DCLK2: variants seen among roughly 807,000 people sequenced by gnomAD.
DCLK2 encodes doublecortin like kinase 2.
A neutral mutation model predicts 78.4 loss-of-function variants in DCLK2; 31 were observed. The ratio of observed to expected loss-of-function variants is 0.40; its 90% CI spans 0.30 to 0.53. The LOEUF (loss-of-function observed/expected upper bound fraction) is 0.53, where lower values mean the gene tolerates loss of function less well. DCLK2 is among the 20% of genes least tolerant of loss of function. The pLI, the probability that DCLK2 is intolerant of heterozygous loss-of-function variation, is 0.61. For synonymous variants in DCLK2, 407 were observed against 374.9 expected (o/e 1.09, Z -0.99); for missense variants, 872 against 973.7 (o/e 0.90, Z 1.39).
chr4:150,175,555 C>T (rs964350374), intron 2 of DCLK2: 2 of 152,088 alleles, frequency 1.3e-5, no homozygotes, highest in Non-Finnish European at 2.9e-5. Flanking sequence ...GAGGGCTGTC[C>T]TTCACCCAGA....
intron 12 of DCLK2, among the ~76,000 whole-genome samples, chr4:150,244,604 A>G (rs1743167515): frequency 6.6e-6 from 1 of 152,258 alleles, no homozygotes; most frequent in South Asian, 2.1e-4. Context: ...ATATTGTTTT[A>G]GAATTTAAAA....
chr4:150,130,442 CG>C (rs1339366202), intron 2 of DCLK2, among the ~76,000 whole-genome samples: 1 of 151,916 alleles, frequency 6.6e-6, no homozygotes, highest in Non-Finnish European at 1.5e-5. Flanking sequence ...CAGCCACACC[CG>C]TACCCACACA....
intron 2 of DCLK2, among the ~76,000 whole-genome samples, chr4:150,192,436 C>T (rs767371421): frequency 2.0e-5 from 3 of 147,688 alleles, no homozygotes; most frequent in African/African-American, 5.0e-5. Flanking sequence ...GCCGAAATCG[C>T]ACCACTGCAC....
chr4:150,234,184 T>C (rs1023114338), intron 10 of DCLK2, among the ~76,000 whole-genome samples: 1 of 152,200 alleles, frequency 6.6e-6, no homozygotes, highest in Admixed American at 6.5e-5. Context: ...GGTAAACCAT[T>C]CATCTTGTAA....
At chr4:150,151,664 C>T (rs1043283618) in intron 2 of DCLK2, among the ~76,000 whole-genome samples, 1 of 152,086 alleles carries the variant, frequency 6.6e-6, no homozygotes, top group Non-Finnish European at 1.5e-5. Flanking sequence ...GTGGCTCATG[C>T]CTGTAATCCC....
intron 15 of DCLK2, among the ~76,000 whole-genome samples, chr4:150,255,424 A>G (rs1744487491): frequency 6.6e-6 from 1 of 152,362 alleles, no homozygotes; most frequent in Non-Finnish European, 1.5e-5. Flanking sequence ...AGCTGAGCAG[A>G]TTTAAAAACT....
At chr4:150,222,460 G>A (rs1410646603) in intron 7 of DCLK2, among the ~76,000 whole-genome samples, 2 of 152,034 alleles carry the variant, frequency 1.3e-5, no homozygotes, top group Non-Finnish European at 2.9e-5. Flanking sequence ...GTATTAAATC[G>A]CTTAATCCCT....
intron 2 of DCLK2, among the ~76,000 whole-genome samples, chr4:150,190,609 T>C (rs1012310554): frequency 3.3e-5 from 5 of 152,232 alleles, no homozygotes; most frequent in African/African-American, 1.2e-4. Flanking sequence ...TCTGCAGAGC[T>C]AGAAAGTAGA....
chr4:150,227,497 AG>A (rs1741707204), intron 8 of DCLK2, among the ~76,000 whole-genome samples: 1 of 152,122 alleles, frequency 6.6e-6, no homozygotes, highest in African/African-American at 2.4e-5. Context: ...GTGGGTAGGG[AG>A]GGTTTCAGTA....
intron 2 of DCLK2, among the ~76,000 whole-genome samples, chr4:150,114,235 T>A (rs1431223466): frequency 6.6e-6 from 1 of 152,196 alleles, no homozygotes; most frequent in Non-Finnish European, 1.5e-5. Flanking sequence ...TTGAATAGAA[T>A]GTTCTGTAAA....
At chr4:150,202,590 C>G (rs1416603453) in intron 4 of DCLK2, among the ~76,000 whole-genome samples, 1 of 151,912 alleles carries the variant, frequency 6.6e-6, no homozygotes, top group African/African-American at 2.4e-5. Context: ...TTTTGAGTCC[C>G]CTATTCAGGA....
At chr4:150,201,978 C>G (rs932408046) in intron 4 of DCLK2, among the ~76,000 whole-genome samples, 2 of 152,006 alleles carry the variant, frequency 1.3e-5, no homozygotes, top group Admixed American at 6.6e-5. Flanking sequence ...TTCTGTGTAC[C>G]TCCTTGCCTG....
At chr4:150,249,981 G>C (rs982767178) in intron 15 of DCLK2, among the ~76,000 whole-genome samples, 5 of 152,148 alleles carry the variant, frequency 3.3e-5, no homozygotes, top group African/African-American at 1.2e-4. Context: ...CTCATCTAGA[G>C]AGACTCCCAA....
intron 2 of DCLK2, among the ~76,000 whole-genome samples, chr4:150,146,101 T>G (rs1435001689): frequency 1.3e-5 from 2 of 152,190 alleles, no homozygotes; most frequent in East Asian, 3.8e-4. Context: ...TTGGTGATAT[T>G]AAGGGCCCTT....
At chr4:150,098,200 A>T (rs1580494766) in intron 1 of DCLK2, among the ~76,000 whole-genome samples, 1 of 152,230 alleles carries the variant, frequency 6.6e-6, no homozygotes, top group East Asian at 1.9e-4. Context: ...GGGAGGGCAG[A>T]CTAGATTGAG....
At chr4:150,141,656 A>G (rs1054423472) in intron 2 of DCLK2, among the ~76,000 whole-genome samples, 86 of 152,308 alleles carry the variant, frequency 5.6e-4, no homozygotes, top group African/African-American at 1.9e-3. Flanking sequence ...TGGCACAGAG[A>G]ATTTTTAAGA....
chr4:150,156,096 G>T (rs190084947), intron 2 of DCLK2, among the ~76,000 whole-genome samples: 2 of 152,130 alleles, frequency 1.3e-5, no homozygotes, highest in African/African-American at 4.8e-5. Flanking sequence ...GGTGAGAACT[G>T]AGACCCACCC....
chr4:150,210,343 G>T (rs1232515961), intron 5 of DCLK2, among the ~76,000 whole-genome samples: 1 of 152,124 alleles, frequency 6.6e-6, no homozygotes, highest in Non-Finnish European at 1.5e-5. Context: ...AAACTAACAT[G>T]CAGTAGCGTA....
intron 10 of DCLK2, among the ~76,000 whole-genome samples, chr4:150,236,476 G>C (rs74690439): frequency 1.1e-4 from 17 of 152,290 alleles, no homozygotes; most frequent in African/African-American, 3.9e-4. Flanking sequence ...GCCCAGTGGG[G>C]TGGCTCTAGA....
Sources: gnomAD v4.1 joint callset for allele counts (sites outside exome capture counted in the v4.1 genomes callset) on GRCh38, gnomAD v4.1.1 for gene constraint, MANE v1.5 for transcripts, NCBI Gene and HGNC (gene_info 2026-07-23, HGNC 2026-07-21) for gene names.